Variants in NFAT5 observed in about 807,000 individuals in gnomAD.
NFAT5 encodes nuclear factor of activated T cells 5, also known as nuclear factor of activated T-cells 5.
NFAT5 carries 31 observed loss-of-function variants against 166.5 expected under a neutral mutation model. The ratio of observed to expected loss-of-function variants is 0.19; its 90% CI spans 0.14 to 0.25. The LOEUF is 0.25. Ranked by LOEUF, NFAT5 falls within the 10% of genes least tolerant of loss-of-function variation. NFAT5 has a pLI of 1.00. For synonymous variants in NFAT5, 612 were observed against 639.7 expected (o/e 0.96, Z 0.65); for missense variants, 1,449 against 1,821.8 (o/e 0.80, Z 3.72).
At chr16:69,639,563 T>G (rs907353121) in intron 3 of NFAT5, among the ~76,000 whole-genome samples, 1 of 152,166 alleles carries the variant, frequency 6.6e-6, no homozygotes, top group Non-Finnish European at 1.5e-5. Context: ...GCTCATTATT[T>G]TTTTTAAAAA....
At chr16:69,597,962 C>T (rs2032900850) in intron 2 of NFAT5, among the ~76,000 whole-genome samples, 1 of 152,130 alleles carries the variant, frequency 6.6e-6, no homozygotes, top group East Asian at 1.9e-4. Flanking sequence ...TAACTGTTGT[C>T]TAGAGAAGAA....
At chr16:69,607,250 A>G (rs1470985442) in intron 2 of NFAT5, among the ~76,000 whole-genome samples, 1 of 152,200 alleles carries the variant, frequency 6.6e-6, no homozygotes, top group African/African-American at 2.4e-5. Context: ...TTGTTCTTTC[A>G]TTATGACATG....
intron 3 of NFAT5, among the ~76,000 whole-genome samples, chr16:69,630,281 C>T (rs1372437047): frequency 6.6e-6 from 1 of 152,162 alleles, no homozygotes; most frequent in East Asian, 1.9e-4. Flanking sequence ...ATCCTCGAGG[C>T]TTGGCCTCCT....
intron 2 of NFAT5, among the ~76,000 whole-genome samples, chr16:69,623,124 A>T (rs1185399226): frequency 6.6e-6 from 1 of 152,186 alleles, no homozygotes; most frequent in Non-Finnish European, 1.5e-5. Flanking sequence ...CAGCCTGGGC[A>T]ACAAGAGAGA....
chr16:69,674,950 G>A (rs143249995), intron 9 of NFAT5, among the ~76,000 whole-genome samples: 1 of 152,246 alleles, frequency 6.6e-6, no homozygotes, highest in East Asian at 1.9e-4. Context: ...CCCTTTGTAT[G>A]TTTTGTATGT....
intron 9 of NFAT5, among the ~76,000 whole-genome samples, chr16:69,671,473 C>A (rs1429599908): frequency 4.6e-5 from 7 of 152,202 alleles, no homozygotes; most frequent in Non-Finnish European, 8.8e-5. Flanking sequence ...CTGGTTCAAG[C>A]AATTCTCCTG....
At chr16:69,627,357 TATATATATATATATATATATATATA>T (rs1567553011) in intron 3 of NFAT5, among the ~76,000 whole-genome samples, 40 of 11,928 alleles carry the variant, frequency 3.4e-3, no homozygotes, top group Non-Finnish European at 5.2e-3. Context: ...TATATATATA[TATATATATATATATATATATATATA>T]TTTTGAAGTT....
intron 9 of NFAT5, among the ~76,000 whole-genome samples, chr16:69,675,627 GTTTTTTGT>G (rs1170411198): frequency 2.6e-5 from 4 of 152,078 alleles, no homozygotes; most frequent in African/African-American, 9.6e-5. Context: ...TTAGAAGCTA[GTTTTTTGT>G]TTTTTTGTTT....
chr16:69,666,322 G>A lies in NFAT5; in HGVS notation c.1370-3655G>A, dbSNP rs991043092. 3.9e-4 allele frequency among the ~76,000 whole-genome samples: 59 copies of A among 152,104 alleles called. 1 individual carries two copies. The highest frequency in any genetic ancestry group is 8.3e-4 in the South Asian group (4 of 4,816). ...AACCAAAGCCAAAATTGACAAATGG[G>A]ATCTAATTAAACGGAAGAGCTTCTG... On this transcript the variant is annotated intron_variant, in intron 7 of 14. Transcript: ENST00000349945.
intron 4 of NFAT5, among the ~76,000 whole-genome samples, chr16:69,651,899 T>A (rs2035685203): frequency 6.6e-6 from 1 of 151,916 alleles, no homozygotes; most frequent in Non-Finnish European, 1.5e-5. Context: ...CTCAAACTCC[T>A]GACCTCAGGT....
intron 2 of NFAT5, among the ~76,000 whole-genome samples, chr16:69,614,750 G>A (rs8055756): frequency 0.54 from 82,777 of 151,928 alleles, 24,023 homozygotes; most frequent in East Asian, 0.81. Context: ...AATTGTCCCA[G>A]TAATTTCCTG....
Position 69,566,807 on chromosome 16 carries a change from C to T in NFAT5, c.73+433C>T, listed in dbSNP as rs758579297. 1.3e-5 allele frequency among the ~76,000 whole-genome samples: 2 copies of T among 152,158 alleles called. No individual in the cohort carries two copies. The highest frequency in any genetic ancestry group is 4.8e-5 in the African/African-American group (2 of 41,444). On this transcript the variant is annotated intron_variant, in intron 1 of 14. Coordinates refer to ENST00000349945, the MANE Select transcript of NFAT5 (RefSeq NM_138713.4). The surrounding 1 kb of genome is among the most constrained non-coding windows in gnomAD (Gnocchi z 5.7). Reference sequence around the variant, plus strand: ...ACCCTCCTCCCCAGCAAAGTTGCCCCCAAGCGGGCGGCGTGGCCTGGAGCC... The same window carrying T: ...ACCCTCCTCCCCAGCAAAGTTGCCCTCAAGCGGGCGGCGTGGCCTGGAGCC...
intron 7 of NFAT5, 119 bp downstream of exon 7, chr16:69,660,018 T>A: frequency 1.2e-6 from 1 of 866,128 alleles, no homozygotes; most frequent in South Asian, 2.2e-5. Flanking sequence ...CATGCAAAAT[T>A]TGAAATATTT....
Position 69,579,820 on chromosome 16 carries a change from G to T in NFAT5, c.127+11272G>T, listed in dbSNP as rs1481536123. ...GTTCAAAAACATGCATTACTAACTG[G>T]CTGTGTGATTTTTAGGCAAGTTACT... is the stretch of plus-strand genomic sequence containing the variant. On this transcript the variant is annotated intron_variant, in intron 2 of 14. Transcript: ENST00000349945. 3.3e-5 allele frequency among the ~76,000 whole-genome samples: 5 copies of T among 152,118 alleles called. No individual in the cohort carries two copies. In the East Asian group the frequency reaches 7.7e-4, roughly 23 times the overall value.
In NFAT5 at chr16:69,693,367, C is replaced by T. The variant is rs1333081184; in HGVS notation, c.3542C>T (p.Ala1181Val). 1.1e-5 allele frequency: 17 copies of T among 1,613,990 alleles called. No homozygotes were observed. Among genetic ancestry groups the T allele is most frequent in the Non-Finnish European group, 1.4e-5 (16 of 1,180,018 alleles). The change falls in exon 13 of 15, where the codon GCA becomes GTA. Residue 1181 changes from alanine (A) to valine (V), a missense_variant. This residue lies in a region of NFAT5 where 891 missense variants were observed against 993.0 expected (regional missense o/e 0.90). Coordinates refer to ENST00000349945, the MANE Select transcript of NFAT5 (RefSeq NM_138713.4). ...NTVAQEAFFA[A>V]PNSISPLQST... ...GTAGCCCAAGAAGCATTTTTTGCAG[C>T]ACCGAACTCAATTTCTCCACTTCAG...
intron 2 of NFAT5, among the ~76,000 whole-genome samples, chr16:69,570,537 T>C (rs927610641): frequency 6.7e-6 from 1 of 149,458 alleles, no homozygotes; most frequent in African/African-American, 2.5e-5. Context: ...ATTTCTGTAT[T>C]ACAGTGACTT....
Position 69,566,082 on chromosome 16 carries a change from G to T in NFAT5, c.-220G>T. On this transcript the variant is annotated 5_prime_UTR_variant, in exon 1 of 15. Coordinates refer to ENST00000349945, the MANE Select transcript of NFAT5 (RefSeq NM_138713.4). This position sits in a 1 kb window ranked among gnomAD's most constrained non-coding sequence, Gnocchi z 5.7. Reference sequence around the variant, plus strand: ...CTTCCCCGTCCTGAACCCCTCTCCTGGTCACCGAGAATCAGTCCCCGTGGA... The same window carrying T: ...CTTCCCCGTCCTGAACCCCTCTCCTTGTCACCGAGAATCAGTCCCCGTGGA... 1.9e-6 allele frequency: 1 copy of T among 532,548 alleles called. No individual in the cohort carries two copies. The highest frequency in any genetic ancestry group is 3.3e-6 in the Non-Finnish European group (1 of 304,610). The allele number at this position is 532,548 out of a possible 1,614,324, so 33.0% of individuals were successfully genotyped here. A position where few individuals can be genotyped will look rare whatever the true frequency, so the allele number is the denominator to read the frequency against.
In NFAT5 at chr16:69,567,786, C is replaced by CA. The variant is rs780380315; in HGVS notation, c.74-699dup. Among the ~76,000 whole-genome samples, 128 of 143,208 alleles carry CA rather than the reference C, an allele frequency of 8.9e-4. 2 individuals carry two copies. Among genetic ancestry groups the CA allele is most frequent in the South Asian group, 6.2e-3 (28 of 4,550 alleles). The allele number at this position is 143,208 out of a possible 152,430, so 94.0% of individuals were successfully genotyped here. On this transcript the variant is annotated intron_variant, in intron 1 of 14. Transcript: ENST00000349945. ...TTAGAAATATTGTAGTTTTGAATGT[C>CA]AAAAAAAAAAGAGACATATCAAGAG... is the stretch of plus-strand genomic sequence containing the variant.
intron 9 of NFAT5, among the ~76,000 whole-genome samples, chr16:69,675,246 A>G (rs1597523934): frequency 6.6e-6 from 1 of 152,244 alleles, no homozygotes; most frequent in East Asian, 1.9e-4. Flanking sequence ...CCTGTTACTA[A>G]TTGCCAAGAA....
Sources: allele counts gnomAD v4.1 joint callset (sites outside exome capture counted in the v4.1 genomes callset), GRCh38; gene constraint gnomAD v4.1.1; regional missense constraint gnomAD v4.1.1; non-coding constraint Gnocchi (gnomAD v3.1); transcripts MANE v1.5; gene names NCBI Gene and HGNC (gene_info 2026-07-23, HGNC 2026-07-21).